RUNX2: variants seen among roughly 807,000 people sequenced by gnomAD.
RUNX2 encodes the protein RUNX family transcription factor 2.
RUNX2 carries 10 observed loss-of-function variants against 51.7 expected under a neutral mutation model. The ratio of observed to expected loss-of-function variants is 0.19; its 90% confidence interval spans 0.12 to 0.33. The LOEUF (loss-of-function observed/expected upper bound fraction) is 0.33, where lower values mean the gene tolerates loss of function less well. RUNX2 is among the 10% of genes least tolerant of loss of function. The probability of loss-of-function intolerance (pLI) is 1.00; values close to 1 mark genes in which losing one functional copy is unlikely to be tolerated. For synonymous variants in RUNX2, 276 were observed against 273.6 expected, an observed-to-expected ratio of 1.01 and a Z score of -0.09; for missense variants, 562 against 691.3, an observed-to-expected ratio of 0.81 and a Z score of 2.10.
intron 2 of RUNX2, among the ~76,000 whole-genome samples, chr6:45,341,407 T>C (rs900757290): frequency 6.6e-6 from 1 of 152,224 alleles, no homozygotes; most frequent in African/African-American, 2.4e-5. Context: ...TCTGCACCTA[T>C]ATTTAACTTG....
chr6:45,444,277 G>A (rs1201446479), intron 5 of RUNX2, among the ~76,000 whole-genome samples: 2 of 152,216 alleles, frequency 1.3e-5, no homozygotes, highest in African/African-American at 4.8e-5. Context: ...GTCTCAGGTA[G>A]GTAAACCATA....
At chr6:45,395,878 C>T (rs1042794516) in intron 2 of RUNX2, among the ~76,000 whole-genome samples, 10 of 152,170 alleles carry the variant, frequency 6.6e-5, no homozygotes, top group East Asian at 1.9e-4. Context: ...GTTGGCCAGG[C>T]TGGTCTCAAA....
At chr6:45,342,533 A>G (rs1667305598) in intron 2 of RUNX2, among the ~76,000 whole-genome samples, 2 of 152,190 alleles carry the variant, frequency 1.3e-5, no homozygotes, top group South Asian at 4.1e-4. Context: ...TGCTGCGATT[A>G]CACGCATAAG....
chr6:45,451,974 A>C (rs567449154), intron 5 of RUNX2, among the ~76,000 whole-genome samples: 1 of 152,350 alleles, frequency 6.6e-6, no homozygotes, highest in South Asian at 2.1e-4. Flanking sequence ...TAGAATCTTT[A>C]ATTGAGAAAA....
chr6:45,330,964 A>C (rs1346864319), intron 2 of RUNX2, among the ~76,000 whole-genome samples: 1 of 151,974 alleles, frequency 6.6e-6, no homozygotes, highest in Admixed American at 6.6e-5. Flanking sequence ...ATTTTTATAT[A>C]ATGATTATCA....
chr6:45,537,869 C>T (rs1802085886), intron 7 of RUNX2, among the ~76,000 whole-genome samples: 1 of 152,174 alleles, frequency 6.6e-6, no homozygotes, highest in Non-Finnish European at 1.5e-5. Context: ...CTTCACTATC[C>T]CTGCTCTCCC....
intron 4 of RUNX2, among the ~76,000 whole-genome samples, chr6:45,435,926 T>A (rs1262716937): frequency 1.3e-5 from 2 of 152,228 alleles, no homozygotes; most frequent in Non-Finnish European, 2.9e-5. Context: ...GGTTCTAACT[T>A]GGACCCAGTG....
At chr6:45,376,024 G>A (rs1013078032) in intron 2 of RUNX2, among the ~76,000 whole-genome samples, 2 of 152,114 alleles carry the variant, frequency 1.3e-5, no homozygotes, top group African/African-American at 2.4e-5. Context: ...AATAAGAGCT[G>A]GAAACTTCTC....
intron 5 of RUNX2, among the ~76,000 whole-genome samples, chr6:45,489,843 G>C (rs1003190583): frequency 6.6e-6 from 1 of 152,160 alleles, no homozygotes; most frequent in Non-Finnish European, 1.5e-5. Context: ...ATTTGTTTAG[G>C]GTAATGGGTG....
chr6:45,357,920 AAAG>A (rs1271154514), intron 2 of RUNX2, among the ~76,000 whole-genome samples: 1 of 152,142 alleles, frequency 6.6e-6, no homozygotes, highest in East Asian at 1.9e-4. Context: ...TACATTCACA[AAAG>A]AACATTTTTA....
rs890231832 is a variant in RUNX2, at chr6:45,536,980, A to G, written c.1022-8237A>G. On this transcript the variant is annotated intron_variant, in intron 7 of 8. Coordinates refer to ENST00000647337, the MANE Select transcript of RUNX2 (RefSeq NM_001024630.4). ...ATGTATTTTCTAGCTTGGAGACCCA[A>G]TCTTTTCGGTTTCCTTCTTCTCTGG... 5.3e-5 allele frequency among the ~76,000 whole-genome samples: 8 copies of G among 152,214 alleles called. No individual in the cohort carries two copies. In the East Asian group the frequency reaches 9.7e-4, roughly 18 times the overall value.
At chr6:45,385,854 C>T (rs983532309) in intron 2 of RUNX2, among the ~76,000 whole-genome samples, 9 of 152,214 alleles carry the variant, frequency 5.9e-5, no homozygotes, top group South Asian at 2.1e-4. Flanking sequence ...GAGCGAAGAT[C>T]GCACCACTGC....
At chr6:45,452,650 A>G (rs1454750843) in intron 5 of RUNX2, among the ~76,000 whole-genome samples, 1 of 152,226 alleles carries the variant, frequency 6.6e-6, no homozygotes, top group Non-Finnish European at 1.5e-5. Flanking sequence ...GAAACAAAGC[A>G]TGTACACACA....
At chr6:45,365,589 T>G (rs1162377642) in intron 2 of RUNX2, among the ~76,000 whole-genome samples, 1 of 150,216 alleles carries the variant, frequency 6.7e-6, no homozygotes, top group East Asian at 1.9e-4. Context: ...ATTAACATAT[T>G]TTACTAGAGC....
chr6:45,500,707 C>A (rs1800778345), intron 6 of RUNX2, among the ~76,000 whole-genome samples: 2 of 152,220 alleles, frequency 1.3e-5, no homozygotes, highest in South Asian at 4.1e-4. Context: ...CTTTGAGGAC[C>A]CAGCTGAAGG....
chr6:45,459,555 G>C (rs758313913), intron 5 of RUNX2, among the ~76,000 whole-genome samples: 1 of 152,086 alleles, frequency 6.6e-6, no homozygotes, highest in African/African-American at 2.4e-5. Context: ...TATTCAATTC[G>C]GCTATCACAT....
At chr6:45,477,004 T>C (rs1313163822) in intron 5 of RUNX2, among the ~76,000 whole-genome samples, 1 of 152,164 alleles carries the variant, frequency 6.6e-6, no homozygotes, top group East Asian at 1.9e-4. Flanking sequence ...ATGGAATGAA[T>C]GAAGGAGAGT....
chr6:45,403,353 C>T (rs1797761147), intron 2 of RUNX2, among the ~76,000 whole-genome samples: 1 of 151,672 alleles, frequency 6.6e-6, no homozygotes, highest in South Asian at 2.1e-4. Context: ...CCTGCCTCAG[C>T]CTCCCAAGTA....
At chr6:45,460,053 C>G (rs1041887012) in intron 5 of RUNX2, among the ~76,000 whole-genome samples, 1 of 152,018 alleles carries the variant, frequency 6.6e-6, no homozygotes, top group Non-Finnish European at 1.5e-5. Flanking sequence ...GAGAATGGTG[C>G]GTGGAAGGCA....
Sources: allele counts gnomAD v4.1 joint callset (sites outside exome capture counted in the v4.1 genomes callset), GRCh38; gene constraint gnomAD v4.1.1; transcripts MANE v1.5; gene names NCBI Gene and HGNC (gene_info 2026-07-23, HGNC 2026-07-21).